Variants in RBFOX1 observed in about 807,000 individuals in gnomAD.
The protein encoded by RBFOX1 is RNA binding fox-1 homolog 1, also known as RNA binding protein fox-1 homolog 1.
In RBFOX1, 8 loss-of-function variants were observed where a neutral mutation model predicts 57.7. The ratio of observed to expected loss-of-function variants is 0.14; its 90% CI spans 0.08 to 0.25. The LOEUF (loss-of-function observed/expected upper bound fraction) is 0.25, where lower values mean the gene tolerates loss of function less well. RBFOX1 is among the 10% of genes least tolerant of loss of function. The pLI is 1.00. For missense variants in RBFOX1, 611 were observed against 548.5 expected, an observed-to-expected ratio of 1.11 and a Z score of -1.14; for synonymous variants, 326 against 222.4, an observed-to-expected ratio of 1.47 and a Z score of -4.15.
At chr16:7,377,018 G>T (rs760258143) in intron 4 of RBFOX1, among the ~76,000 whole-genome samples, 1 of 152,242 alleles carries the variant, frequency 6.6e-6, no homozygotes, top group African/African-American at 2.4e-5. Flanking sequence ...ATTTCCATAG[G>T]TCCCTGTAAA....
At chr16:6,921,586 A>G (rs181612166) in intron 3 of RBFOX1, among the ~76,000 whole-genome samples, 3 of 151,740 alleles carry the variant, frequency 2.0e-5, no homozygotes, top group Non-Finnish European at 4.4e-5. Context: ...TTCTTCAAGC[A>G]GTGGAGAAAG....
At chr16:7,200,292 T>TGGAGA (rs1345287566) in intron 4 of RBFOX1, among the ~76,000 whole-genome samples, 1 of 151,950 alleles carries the variant, frequency 6.6e-6, no homozygotes, top group Non-Finnish European at 1.5e-5. Flanking sequence ...GGGAGTGGAG[T>TGGAGA]GGAGAAGTGA....
chr16:6,197,512 A>G (rs900189497), intron 1 of RBFOX1, among the ~76,000 whole-genome samples: 3 of 152,022 alleles, frequency 2.0e-5, no homozygotes, highest in Non-Finnish European at 2.9e-5. Context: ...GTTAATTCCC[A>G]TCAACTAACT....
chr16:5,847,115 G>A (rs2056776461), intron 3 of RBFOX1, among the ~76,000 whole-genome samples: 1 of 152,180 alleles, frequency 6.6e-6, no homozygotes, highest in African/African-American at 2.4e-5. Context: ...GGGCCAGGCT[G>A]TTCTCTGGAA....
intron 2 of RBFOX1, among the ~76,000 whole-genome samples, chr16:5,506,794 C>A (rs182741648): frequency 3.3e-5 from 5 of 152,090 alleles, no homozygotes; most frequent in African/African-American, 9.7e-5. Flanking sequence ...TGGGTACGAC[C>A]ACTGGGTAAT....
intron 4 of RBFOX1, among the ~76,000 whole-genome samples, chr16:7,150,628 C>T (rs887462349): frequency 6.6e-6 from 1 of 152,162 alleles, no homozygotes. Context: ...CAACTTAATT[C>T]TTTACGACTG....
chr16:7,327,043 A>G (rs1421312157), intron 4 of RBFOX1, among the ~76,000 whole-genome samples: 1 of 152,192 alleles, frequency 6.6e-6, no homozygotes, highest in East Asian at 1.9e-4. Context: ...TAAAAGAGTC[A>G]TGATATGGTG....
chr16:6,769,618 C>G (rs568240625), intron 3 of RBFOX1, among the ~76,000 whole-genome samples: 3 of 152,328 alleles, frequency 2.0e-5, no homozygotes, highest in East Asian at 3.9e-4. Flanking sequence ...TCTATGGCAT[C>G]TCCAAATGAT....
At chr16:7,708,343 A>G (rs950938117) in intron 14 of RBFOX1, among the ~76,000 whole-genome samples, 2 of 152,206 alleles carry the variant, frequency 1.3e-5, no homozygotes, top group Non-Finnish European at 1.5e-5. Context: ...ACCAGAAGCC[A>G]TGGCAGGTAG....
At chr16:7,157,067 T>G (rs1306693538) in intron 4 of RBFOX1, among the ~76,000 whole-genome samples, 4 of 152,214 alleles carry the variant, frequency 2.6e-5, no homozygotes, top group African/African-American at 9.6e-5. Context: ...CCTATTATAC[T>G]TGATTATGCT....
intron 1 of RBFOX1, among the ~76,000 whole-genome samples, chr16:5,449,625 T>A (rs1223485941): frequency 6.6e-6 from 1 of 152,114 alleles, no homozygotes; most frequent in Non-Finnish European, 1.5e-5. Flanking sequence ...AGCTTTGTTT[T>A]TTGAGACAGG....
chr16:5,787,552 T>C (rs1008067051), intron 3 of RBFOX1, among the ~76,000 whole-genome samples: 12 of 152,176 alleles, frequency 7.9e-5, no homozygotes, highest in Non-Finnish European at 1.5e-5. Context: ...GTGGGTAGGA[T>C]GGGATACCCC....
In RBFOX1 at chr16:7,036,730, CAAAGAAAAA is replaced by C. The variant is rs781622818; in HGVS notation, c.-15-15323_-15-15315del. On this transcript the variant is annotated intron_variant, in intron 3 of 15. Transcript: ENST00000550418. ...ACAAACAAAAAAAACAAAAAACAAACAAAGAAAAAAAAAAAGAAAGAATTCAGGGAAGTC... is the reference window on the plus strand; with the variant it reads ...ACAAACAAAAAAAACAAAAAACAAACAAAAAAGAAAGAATTCAGGGAAGTC... 8.3e-4 allele frequency among the ~76,000 whole-genome samples: 110 copies of C among 132,022 alleles called. 1 individual carries two copies. The highest frequency in any genetic ancestry group is 1.6e-3 in the Non-Finnish European group (92 of 57,740). The allele number at this position is 132,022 out of a possible 152,430, so 86.6% of individuals were successfully genotyped here. A position where few individuals can be genotyped will look rare whatever the true frequency, so the allele number is the denominator to read the frequency against.
intron 4 of RBFOX1, among the ~76,000 whole-genome samples, chr16:6,013,193 C>T (rs1225610783): frequency 6.6e-6 from 1 of 152,118 alleles, no homozygotes; most frequent in Non-Finnish European, 1.5e-5. Context: ...TACTCATGAG[C>T]TCCGTTCTGT....
At chr16:7,471,072 A>T (rs541421587) in intron 4 of RBFOX1, among the ~76,000 whole-genome samples, 214 of 152,326 alleles carry the variant, frequency 1.4e-3, no homozygotes, top group African/African-American at 5.0e-3. Flanking sequence ...GAATAAAATG[A>T]AAATGTTCTT....
intron 14 of RBFOX1, among the ~76,000 whole-genome samples, chr16:7,690,643 C>A (rs570872196): frequency 2.0e-5 from 3 of 148,580 alleles, no homozygotes; most frequent in Non-Finnish European, 4.5e-5. Context: ...GCCCCACTGT[C>A]CAGAATATAC....
At chr16:6,315,362 G>GGATGGATGGA (rs2080943372) in intron 1 of RBFOX1, among the ~76,000 whole-genome samples, 2 of 150,034 alleles carry the variant, frequency 1.3e-5, no homozygotes, top group Admixed American at 6.6e-5. Context: ...GAATGGGTGG[G>GGATGGATGGA]TGGATGGATG....
rs1160131411 is a variant in RBFOX1, at chr16:7,711,910, A to T, written c.*1165A>T. 6.6e-6 allele frequency: 1 copy of T among 152,522 alleles called. No individual in the cohort carries two copies. The highest frequency in any genetic ancestry group is 2.4e-5 in the African/African-American group (1 of 41,426). 9.4% of individuals were successfully genotyped at this position (152,522 alleles called of 1,614,324 possible). A position where few individuals can be genotyped will look rare whatever the true frequency, so the allele number is the denominator to read the frequency against. The stretch of plus-strand genomic sequence containing the variant: ...TGACTGCGTTGTGTGAACAATCTGC[A>T]ATTTTTCAGTCCGTGAGATCCTGCC... On this transcript the variant is annotated 3_prime_UTR_variant, in exon 16 of 16. Coordinates refer to ENST00000550418, the MANE Select transcript of RBFOX1 (RefSeq NM_018723.4).
chr16:6,250,480 A>C lies in RBFOX1; in HGVS notation c.-126-66515A>C, dbSNP rs190064763. Among the ~76,000 whole-genome samples the C allele has an allele frequency of 1.7e-3, 253 of 152,306 alleles. 4 individuals are homozygous for C. Among genetic ancestry groups the C allele is most frequent in the African/African-American group, 5.9e-3 (245 of 41,582 alleles). ...ATGCTATGGACCTTGGGCAGAGCAC[A>C]GGCAGTACATGGCTTGGCAATGTAT... On this transcript the variant is annotated intron_variant, in intron 1 of 15. Coordinates refer to ENST00000550418, the MANE Select transcript of RBFOX1 (RefSeq NM_018723.4).
Sources: gnomAD v4.1 joint callset for allele counts (sites outside exome capture counted in the v4.1 genomes callset) on GRCh38, gnomAD v4.1.1 for gene constraint, MANE v1.5 for transcripts, NCBI Gene and HGNC (gene_info 2026-07-23, HGNC 2026-07-21) for gene names.